Variants in NELL2 observed in about 807,000 individuals in gnomAD.
NELL2 encodes the protein neural EGFL like 2.
NELL2 carries 41 observed loss-of-function variants against 109.6 expected under a neutral mutation model. That is an observed-to-expected ratio of 0.37 (90% confidence interval 0.29 to 0.49). The LOEUF is 0.49. Among genes scored for constraint, NELL2 ranks in the 20% least tolerant of loss-of-function variants. The pLI, the probability that NELL2 is intolerant of heterozygous loss-of-function variation, is 0.98. For synonymous variants in NELL2, 355 were observed against 344.7 expected (o/e 1.03, Z -0.33); for missense variants, 900 against 1,008.3 (o/e 0.89, Z 1.45).
chr12:44,763,524 T>C (rs575214006), intron 9 of NELL2, among the ~76,000 whole-genome samples: 2 of 152,306 alleles, frequency 1.3e-5, no homozygotes, highest in Admixed American at 1.3e-4. Context: ...TCTTGGTTTG[T>C]GTTTTCTTAC....
chr12:44,876,999 C>A, upstream of NELL2: 1 of 689,894 alleles, frequency 1.4e-6, no homozygotes, highest in Non-Finnish European at 1.9e-6. Context: ...AGGTGCTGGA[C>A]AGCTCCGGAA....
At chr12:44,793,128 T>G (rs1443936391) in intron 3 of NELL2, among the ~76,000 whole-genome samples, 1 of 152,170 alleles carries the variant, frequency 6.6e-6, no homozygotes. Flanking sequence ...CAAAACTCTG[T>G]ATGTGTATGT....
chr12:44,688,221 C>A (rs1171389539), intron 12 of NELL2, among the ~76,000 whole-genome samples: 2 of 152,016 alleles, frequency 1.3e-5, no homozygotes, highest in African/African-American at 4.8e-5. Context: ...TGGAAATAAC[C>A]CATGGTAACT....
At position 44,607,160 on chromosome 12, in the gene NELL2, T is replaced by C. The variant is rs1273278062; in HGVS notation, c.1663+9A>G. Reference sequence around the variant, plus strand: ...ATTCATTTTCTAGAAGATGAAATGATATTCTTACCCGTTTCACAGCTGGGT... The same window carrying C: ...ATTCATTTTCTAGAAGATGAAATGACATTCTTACCCGTTTCACAGCTGGGT... On this transcript the variant is annotated intron_variant, in intron 15 of 19. Transcript: ENST00000429094. 1 of 1,604,920 alleles carries C rather than the reference T, an allele frequency of 6.2e-7. No homozygotes were observed. Among genetic ancestry groups the C allele is most frequent in the Admixed American group, 1.7e-5 (1 of 58,472 alleles).
intron 12 of NELL2, among the ~76,000 whole-genome samples, chr12:44,682,924 AC>A (rs1948575869): frequency 6.6e-6 from 1 of 152,138 alleles, no homozygotes; most frequent in Non-Finnish European, 1.5e-5. Flanking sequence ...TTCCATATGA[AC>A]TTTAAAGTAG....
intron 13 of NELL2, among the ~76,000 whole-genome samples, chr12:44,636,795 C>T (rs989111198): frequency 2.0e-5 from 3 of 152,122 alleles, no homozygotes; most frequent in African/African-American, 7.2e-5. Context: ...ATGCTGGCCT[C>T]ATAAAATGAG....
chr12:44,520,544 A>T (rs1279314313), intron 18 of NELL2, among the ~76,000 whole-genome samples: 1 of 152,204 alleles, frequency 6.6e-6, no homozygotes, highest in African/African-American at 2.4e-5. Flanking sequence ...ATGACAAAGG[A>T]GAGAGGTTTC....
intron 11 of NELL2, among the ~76,000 whole-genome samples, chr12:44,706,383 G>A (rs1281119242): frequency 6.6e-6 from 1 of 152,110 alleles, no homozygotes; most frequent in Non-Finnish European, 1.5e-5. Context: ...GGTTGCTTCT[G>A]ATCTATAGGG....
intron 9 of NELL2, among the ~76,000 whole-genome samples, chr12:44,733,675 A>G (rs953227900): frequency 3.3e-5 from 5 of 151,154 alleles, no homozygotes; most frequent in Non-Finnish European, 4.4e-5. Context: ...TGTATTGTAC[A>G]CTTATATTAA....
Position 44,711,701 on chromosome 12 carries a change from C to T in NELL2, c.1087-307G>A, listed in dbSNP as rs1938212880. On this transcript the variant is annotated intron_variant, in intron 10 of 19. Coordinates refer to ENST00000429094, the MANE Select transcript of NELL2 (RefSeq NM_001145108.2). ...TAGTTTTACAACACATTTTGCAAGC[C>T]CAGATGACAATTGTGGCAAAGATAC... 2.0e-5 allele frequency among the ~76,000 whole-genome samples: 3 copies of T among 151,824 alleles called. No homozygotes were observed. The South Asian group carries it at 6.2e-4, about 32-fold the overall frequency.
chr12:44,558,448 A>G (rs10785503), intron 15 of NELL2, among the ~76,000 whole-genome samples: 41,746 of 152,072 alleles, frequency 0.27, 5,815 homozygotes, highest in South Asian at 0.35. Context: ...TGCATTTCCA[A>G]CTGAGGTACC....
intron 15 of NELL2, among the ~76,000 whole-genome samples, chr12:44,594,960 C>T (rs1944901513): frequency 6.6e-6 from 1 of 152,120 alleles, no homozygotes; most frequent in Non-Finnish European, 1.5e-5. Context: ...AAAGTTTTGG[C>T]ATCCTGTAAT....
intron 2 of NELL2, among the ~76,000 whole-genome samples, chr12:44,873,832 T>C (rs1487424373): frequency 6.6e-6 from 1 of 152,066 alleles, no homozygotes; most frequent in Non-Finnish European, 1.5e-5. Flanking sequence ...ATCTTCTTTA[T>C]TATATTTGGT....
chr12:44,913,760 A>T (rs1023124942), intron 1 of NELL2: 1 of 765,778 alleles, frequency 1.3e-6, no homozygotes, highest in African/African-American at 1.8e-5. Context: ...AATGGTGTTC[A>T]GAGTTACCTT....
intron 12 of NELL2, among the ~76,000 whole-genome samples, chr12:44,694,148 G>T (rs1948982115): frequency 6.6e-6 from 1 of 152,122 alleles, no homozygotes; most frequent in African/African-American, 2.4e-5. Flanking sequence ...GTTTGTGAGG[G>T]TGTTTCTGGA....
intron 13 of NELL2, among the ~76,000 whole-genome samples, chr12:44,612,176 T>A (rs1423087492): frequency 6.6e-6 from 1 of 152,032 alleles, no homozygotes; most frequent in African/African-American, 2.4e-5. Flanking sequence ...CCGTAAATTG[T>A]CTTTGGCATA....
chr12:44,673,571 G>A (rs1292283664), intron 12 of NELL2, among the ~76,000 whole-genome samples: 2 of 152,188 alleles, frequency 1.3e-5, no homozygotes, highest in African/African-American at 4.8e-5. Context: ...TCTGACATAA[G>A]CTGGTTATGT....
At chr12:44,833,341 C>T (rs1175352828) in intron 2 of NELL2, among the ~76,000 whole-genome samples, 2 of 151,750 alleles carry the variant, frequency 1.3e-5, no homozygotes, top group African/African-American at 4.9e-5. Flanking sequence ...CTTGACAGTT[C>T]TCTCCCTTTC....
Position 44,863,520 on chromosome 12 carries a change from T to TAA in NELL2, c.184+11703_184+11704dup, listed in dbSNP as rs71093832. Among the ~76,000 whole-genome samples the TAA allele has an allele frequency of 7.4e-3, 1,106 of 150,260 alleles. 10 individuals carry two copies. Among genetic ancestry groups the TAA allele is most frequent in the African/African-American group, 0.023 (951 of 40,612 alleles). On this transcript the variant is annotated intron_variant, in intron 2 of 19. Coordinates refer to ENST00000429094, the MANE Select transcript of NELL2 (RefSeq NM_001145108.2). Reference sequence around the variant, plus strand: ...GGTGATATTAAAATTGTAGAAGTAATAAAAAAAAACTGCTAACAAGGAATA... The same window carrying TAA: ...GGTGATATTAAAATTGTAGAAGTAATAAAAAAAAAAACTGCTAACAAGGAATA...
Sources: allele counts gnomAD v4.1 joint callset (sites outside exome capture counted in the v4.1 genomes callset), GRCh38; gene constraint gnomAD v4.1.1; transcripts MANE v1.5; gene names NCBI Gene and HGNC (gene_info 2026-07-23, HGNC 2026-07-21).